RPGRIP1: variants seen among roughly 807,000 people sequenced by gnomAD.
RPGRIP1 encodes the protein X-linked retinitis pigmentosa GTPase regulator-interacting protein 1.
A neutral mutation model predicts 157.9 loss-of-function variants in RPGRIP1; 128 were observed. The ratio of observed to expected loss-of-function variants is 0.81; its 90% CI spans 0.70 to 0.94. The LOEUF (loss-of-function observed/expected upper bound fraction) is 0.94, where lower values mean the gene tolerates loss of function less well. Among genes scored for constraint, RPGRIP1 ranks in the 40% least tolerant of loss-of-function variants. The probability of loss-of-function intolerance (pLI) is 0.00; values close to 1 mark genes in which losing one functional copy is unlikely to be tolerated. For missense variants in RPGRIP1, 1,486 were observed against 1,545.8 expected, an observed-to-expected ratio of 0.96 and a Z score of 0.65; for synonymous variants, 554 against 571.6, an observed-to-expected ratio of 0.97 and a Z score of 0.44.
At chr14:21,287,261 A>T (rs1338720383) in intron 1 of RPGRIP1, among the ~76,000 whole-genome samples, 1 of 152,136 alleles carries the variant, frequency 6.6e-6, no homozygotes, top group African/African-American at 2.4e-5. Context: ...AGCCGGGTGC[A>T]GTAGTGGGTG....
At chr14:21,301,722 T>TAATAATAATAAA (rs1443437374) in intron 4 of RPGRIP1, among the ~76,000 whole-genome samples, 10 of 75,122 alleles carry the variant, frequency 1.3e-4, no homozygotes, top group Non-Finnish European at 2.4e-4. Context: ...ATAATAATAA[T>TAATAATAATAAA]AAAAAATTAG....
intron 23 of RPGRIP1, among the ~76,000 whole-genome samples, chr14:21,347,728 CTTTTTCT>C (rs1462715867): frequency 1.3e-5 from 2 of 151,984 alleles, no homozygotes; most frequent in Admixed American, 6.6e-5. Context: ...TACAGGGTTT[CTTTTTCT>C]TTTTTCTTTT....
At chr14:21,333,317 T>C (rs1280788689) in intron 20 of RPGRIP1, among the ~76,000 whole-genome samples, 1 of 152,106 alleles carries the variant, frequency 6.6e-6, no homozygotes, top group Non-Finnish European at 1.5e-5. Context: ...TCCACATATG[T>C]AGACAAAGCC....
rs71112567 is a variant in RPGRIP1 at position 21,292,320 on chromosome 14, AT to A, written c.86-2346del. On this transcript the variant is annotated intron_variant, in intron 2 of 24. Transcript: ENST00000400017. ...GCAGGTTCTTTGGTTGGGAAGTTGT[AT>A]TTTTTTTTTTCATTCTAAGCACCTC... Among the ~76,000 whole-genome samples the A allele has an allele frequency of 2.0e-4, 30 of 148,916 alleles. No individual in the cohort carries two copies. The South Asian group carries it at 2.3e-3, about 12-fold the overall frequency.
chr14:21,336,571 CTT>C (rs1252920302), intron 21 of RPGRIP1, among the ~76,000 whole-genome samples: 1 of 152,136 alleles, frequency 6.6e-6, no homozygotes, highest in African/African-American at 2.4e-5. Context: ...TTAAGTTTCT[CTT>C]TGTCTGAACT....
In RPGRIP1 at chr14:21,287,259, G is replaced by A. The variant is rs188971897; in HGVS notation, c.-38-680G>A. 5.1e-3 allele frequency among the ~76,000 whole-genome samples: 781 copies of A among 152,198 alleles called. 9 individuals carry two copies. The highest frequency in any genetic ancestry group is 0.018 in the African/African-American group (756 of 41,538). On this transcript the variant is annotated intron_variant, in intron 1 of 24. Coordinates refer to ENST00000400017, the MANE Select transcript of RPGRIP1 (RefSeq NM_020366.4). ...CCAAAAATACAAAAATTAGCCGGGT[G>A]CAGTAGTGGGTGCCTGTAATCCCGG...
chr14:21,306,066 T>A (rs975825746), intron 6 of RPGRIP1, among the ~76,000 whole-genome samples: 8 of 146,256 alleles, frequency 5.5e-5, no homozygotes, highest in Middle Eastern at 3.8e-3. Flanking sequence ...TTTCAATCTT[T>A]CAAACAATAA....
intron 7 of RPGRIP1, 46 bp downstream of exon 7, chr14:21,307,882 CAATT>C (rs1399433008): frequency 8.0e-6 from 8 of 998,808 alleles, no homozygotes; most frequent in Non-Finnish European, 1.2e-5. Context: ...GGGGAAACCC[CAATT>C]AAGAGATTCA....
At chr14:21,297,490 A>G (rs1248660105) in intron 3 of RPGRIP1, among the ~76,000 whole-genome samples, 1 of 152,136 alleles carries the variant, frequency 6.6e-6, no homozygotes, top group Non-Finnish European at 1.5e-5. Flanking sequence ...GAAATCTGAG[A>G]CGGAGGTGAG....
chr14:21,295,987 G>T (rs1285480405), intron 3 of RPGRIP1, among the ~76,000 whole-genome samples: 1 of 151,898 alleles, frequency 6.6e-6, no homozygotes, highest in Non-Finnish European at 1.5e-5. Flanking sequence ...CCAAGCTGGA[G>T]TGCAGTGGCG....
chr14:21,293,557 A>G (rs2139142323), intron 2 of RPGRIP1, among the ~76,000 whole-genome samples: 1 of 152,190 alleles, frequency 6.6e-6, no homozygotes, highest in South Asian at 2.1e-4. Flanking sequence ...AGCCTGGCCA[A>G]CATGGTGAAA....
At chr14:21,313,803 A>G (rs1480069689) in intron 10 of RPGRIP1, among the ~76,000 whole-genome samples, 1 of 149,670 alleles carries the variant, frequency 6.7e-6, no homozygotes, top group African/African-American at 2.5e-5. Context: ...AAAAAAAAAG[A>G]TACATTGTAA....
chr14:21,339,321 T>C (rs796474191), intron 21 of RPGRIP1, among the ~76,000 whole-genome samples: 8 of 151,590 alleles, frequency 5.3e-5, no homozygotes, highest in African/African-American at 1.5e-4. Context: ...TGGCGCGTGC[T>C]TGTAATCCTG....
intron 3 of RPGRIP1, 109 bp from the exon 4 acceptor site, chr14:21,300,857 C>A: frequency 7.8e-7 from 1 of 1,277,202 alleles, no homozygotes; most frequent in Non-Finnish European, 1.1e-6. Flanking sequence ...TAATAGATCA[C>A]GGTAGATGAA....
chr14:21,327,276 T>C (rs1251914835), intron 17 of RPGRIP1, among the ~76,000 whole-genome samples: 1 of 152,138 alleles, frequency 6.6e-6, no homozygotes, highest in Admixed American at 6.5e-5. Flanking sequence ...ACAGTTTTCT[T>C]GGTACAACTA....
At chr14:21,348,107 CCTT>C (rs1280338966) in intron 23 of RPGRIP1, 62 bp from the exon 24 acceptor site, 64 of 1,280,490 alleles carry the variant, frequency 5.0e-5, no homozygotes, top group Non-Finnish European at 6.3e-5. Flanking sequence ...TTACTTTTAT[CCTT>C]ATTTTATTTT....
In RPGRIP1 at chr14:21,324,904, G is replaced by C; in HGVS notation, c.2049G>C (p.Val683=). 4 of 1,614,036 alleles carry C rather than the reference G, an allele frequency of 2.5e-6. No individual in the cohort carries two copies. Among genetic ancestry groups the C allele is most frequent in the East Asian group, 2.2e-5 (1 of 44,890 alleles). The part of the protein sequence containing the change: ...QPLYDFTSQY[V]METDSLFLHY... Reference sequence around the variant, plus strand: ...TCTATGACTTCACCTCCCAGTATGTGATGGAGACAGATTCGCTTTTCTTAC... The same window carrying C: ...TCTATGACTTCACCTCCCAGTATGTCATGGAGACAGATTCGCTTTTCTTAC... The change falls in exon 15 of 25, where the codon GTG becomes GTC. Residue 683 remains valine (V), a synonymous_variant. Coordinates refer to ENST00000400017, the MANE Select transcript of RPGRIP1 (RefSeq NM_020366.4).
At position 21,326,162 on chromosome 14, in the gene RPGRIP1, A is replaced by T; in HGVS notation, c.2699A>T (p.Glu900Val). 1 of 1,568,962 alleles carries T rather than the reference A, an allele frequency of 6.4e-7. No homozygotes were observed. The highest frequency in any genetic ancestry group is 8.6e-7 in the Non-Finnish European group (1 of 1,156,222). ...RVPLLPLAKN[E>V]SIKGDFNLTD... Reference sequence around the variant, plus strand: ...CCTTTACTGCCTCTTGCAAAAAATGAATCTATCAAAGGTGGGAGTTCGAGG... The same window carrying T: ...CCTTTACTGCCTCTTGCAAAAAATGTATCTATCAAAGGTGGGAGTTCGAGG... The change falls in exon 17 of 25, where the codon GAA (glutamate) becomes GTA (valine). Residue 900 changes from glutamate (E) to valine (V), a missense_variant. Physicochemically the swap from Glu to Val is moderately radical, Grantham distance 121. Coordinates refer to ENST00000400017, the MANE Select transcript of RPGRIP1 (RefSeq NM_020366.4).
chr14:21,325,789 C>T (rs899096374), intron 16 of RPGRIP1, 42 bp from the exon 17 acceptor site: 4 of 1,468,382 alleles, frequency 2.7e-6, no homozygotes, highest in African/African-American at 2.8e-5. Context: ...ACAACAGTCT[C>T]AAGCTGCCCT....
Sources: allele counts gnomAD v4.1 joint callset (sites outside exome capture counted in the v4.1 genomes callset), GRCh38; gene constraint gnomAD v4.1.1; transcripts MANE v1.5; gene names NCBI Gene and HGNC (gene_info 2026-07-23, HGNC 2026-07-21).